STIM1: variants seen among roughly 807,000 people sequenced by gnomAD.
The protein encoded by STIM1 is stromal interaction molecule 1.
STIM1 carries 25 observed loss-of-function variants against 74.7 expected under a neutral mutation model. The ratio of observed to expected loss-of-function variants is 0.33; its 90% CI spans 0.24 to 0.47. The LOEUF (loss-of-function observed/expected upper bound fraction) is 0.47. STIM1 is among the 20% of genes least tolerant of loss of function. STIM1 has a pLI of 1.00. For synonymous variants in STIM1, 328 were observed against 348.8 expected (o/e 0.94, Z 0.66); for missense variants, 728 against 920.8 (o/e 0.79, Z 2.71).
At chr11:4,075,527 C>T (rs2094432733) in intron 7 of STIM1, among the ~76,000 whole-genome samples, 1 of 152,220 alleles carries the variant, frequency 6.6e-6, no homozygotes, top group South Asian at 2.1e-4. Flanking sequence ...AACATTATGT[C>T]TATGAGAGTC....
At chr11:4,074,806 C>T (rs187236698) in intron 7 of STIM1, 127 bp downstream of exon 7, 16 of 1,069,060 alleles carry the variant, frequency 1.5e-5, no homozygotes, top group Non-Finnish European at 2.0e-5. Flanking sequence ...TCTAGAGTCA[C>T]TGGACTCTTA....
chr11:3,919,044 T>C (rs2092685824), intron 1 of STIM1, among the ~76,000 whole-genome samples: 1 of 152,188 alleles, frequency 6.6e-6, no homozygotes, highest in South Asian at 2.1e-4. Flanking sequence ...ATCCATTAAA[T>C]ATTTGCTTGA....
intron 5 of STIM1, among the ~76,000 whole-genome samples, chr11:4,063,309 C>T (rs576250020): frequency 1.3e-5 from 2 of 152,284 alleles, no homozygotes; most frequent in African/African-American, 2.4e-5. Context: ...TATATACATG[C>T]ATACCTTGTT....
intron 7 of STIM1, among the ~76,000 whole-genome samples, chr11:4,075,154 AAAAGAAAG>A (rs1382216790): frequency 6.6e-6 from 1 of 152,198 alleles, no homozygotes; most frequent in African/African-American, 2.4e-5. Flanking sequence ...AAAAAACAAA[AAAAGAAAG>A]AAAGAAAAAA....
intron 1 of STIM1, among the ~76,000 whole-genome samples, chr11:3,962,171 G>A (rs970166933): frequency 2.0e-5 from 3 of 152,118 alleles, no homozygotes; most frequent in African/African-American, 7.2e-5. Flanking sequence ...TGTACCTAGT[G>A]TATCCATCAC....
chr11:4,075,265 A>G (rs1308123773), intron 7 of STIM1, among the ~76,000 whole-genome samples: 1 of 152,260 alleles, frequency 6.6e-6, no homozygotes, highest in East Asian at 1.9e-4. Flanking sequence ...GTATTTACAT[A>G]AAGTGTACAA....
chr11:3,911,578 G>C (rs998447876), intron 1 of STIM1, among the ~76,000 whole-genome samples: 1 of 151,808 alleles, frequency 6.6e-6, no homozygotes, highest in African/African-American at 2.4e-5. Context: ...GTAGAGACGG[G>C]GTCTCCTTCT....
At chr11:3,980,466 C>G (rs2093491313) in intron 2 of STIM1, among the ~76,000 whole-genome samples, 2 of 152,040 alleles carry the variant, frequency 1.3e-5, no homozygotes, top group Non-Finnish European at 1.5e-5. Flanking sequence ...CCTGGCATTT[C>G]TCTGCTTCCC....
intron 1 of STIM1, among the ~76,000 whole-genome samples, chr11:3,929,021 G>A (rs1010027698): frequency 2.6e-5 from 4 of 152,006 alleles, no homozygotes; most frequent in South Asian, 2.1e-4. Flanking sequence ...TTACAGGTGC[G>A]TGCCACAACG....
chr11:3,884,781 C>CAAA (rs1554953053), intron 1 of STIM1, among the ~76,000 whole-genome samples: 19 of 116,302 alleles, frequency 1.6e-4, no homozygotes, highest in Admixed American at 5.2e-4. Context: ...GACCCCATCT[C>CAAA]AAAAAAAAAA....
At chr11:3,941,653 C>CATATATATATATAT (rs56890594) in intron 1 of STIM1, among the ~76,000 whole-genome samples, 2 of 122,766 alleles carry the variant, frequency 1.6e-5, no homozygotes. Context: ...TGTGTGTATA[C>CATATATATATATAT]ATATATATAT....
At chr11:3,941,120 G>A (rs552565981) in intron 1 of STIM1, among the ~76,000 whole-genome samples, 13 of 152,286 alleles carry the variant, frequency 8.5e-5, no homozygotes, top group Non-Finnish European at 1.6e-4. Flanking sequence ...CCTGACACAT[G>A]TGAGGTGCTA....
chr11:4,019,837 C>G (rs1015302142), intron 2 of STIM1, among the ~76,000 whole-genome samples: 3 of 152,102 alleles, frequency 2.0e-5, no homozygotes, highest in South Asian at 2.1e-4. Context: ...GAAATATACA[C>G]TATATTATTG....
chr11:4,085,123 C>G (rs2094485786), intron 11 of STIM1, among the ~76,000 whole-genome samples: 1 of 151,444 alleles, frequency 6.6e-6, no homozygotes. Context: ...CCCAGTTTCC[C>G]CCTTCTTTCT....
chr11:3,873,418 CAAA>C (rs1159126517), intron 1 of STIM1, among the ~76,000 whole-genome samples: 1 of 57,114 alleles, frequency 1.8e-5, no homozygotes. Flanking sequence ...AGCTCCATTT[CAAA>C]AAAAAAAAAA....
At chr11:3,870,431 G>C (rs1299543753) in intron 1 of STIM1, among the ~76,000 whole-genome samples, 1 of 152,154 alleles carries the variant, frequency 6.6e-6, no homozygotes, top group Admixed American at 6.5e-5. Flanking sequence ...GCAAAAAAGG[G>C]AATATTAATT....
chr11:4,000,961 C>T (rs1590635702), intron 2 of STIM1, among the ~76,000 whole-genome samples: 1 of 151,970 alleles, frequency 6.6e-6, no homozygotes. Context: ...GGACCCAATG[C>T]GATCAACTGG....
In STIM1 at chr11:4,088,610, T is replaced by A. The variant is rs2094506422; in HGVS notation, c.1634+2067T>A. The A allele has an allele frequency of 1.5e-5, 18 of 1,230,736 alleles. No individual in the cohort carries two copies. In the South Asian group the frequency reaches 2.3e-4, roughly 16 times the overall value. 76.2% of individuals were successfully genotyped at this position (1,230,736 alleles called of 1,614,324 possible). A position where few individuals can be genotyped will look rare whatever the true frequency, so the allele number is the denominator to read the frequency against. On this transcript the variant is annotated intron_variant, in intron 12 of 12. Coordinates refer to ENST00000526596, the MANE Select transcript of STIM1 (RefSeq NM_001382567.1). ...TGCTGTGAATTCCATGCTCCAAGGT[T>A]TAAGCTGAGGGCAGTGGGGAGGAAG...
intron 2 of STIM1, chr11:3,989,438 C>T: frequency 1.4e-6 from 1 of 715,782 alleles, no homozygotes; most frequent in African/African-American, 1.7e-5. Context: ...GCCCCTTCCG[C>T]GGAGCTGACC....
Sources: gnomAD v4.1 joint callset for allele counts (sites outside exome capture counted in the v4.1 genomes callset) on GRCh38, gnomAD v4.1.1 for gene constraint, MANE v1.5 for transcripts, NCBI Gene and HGNC (gene_info 2026-07-23, HGNC 2026-07-21) for gene names.